Variants in AKAP6 observed in about 807,000 individuals in gnomAD.
The protein encoded by AKAP6 is A-kinase anchor protein 6.
AKAP6 carries 58 observed loss-of-function variants against 188.5 expected under a neutral mutation model. That is an observed-to-expected ratio of 0.31 (90% confidence interval 0.25 to 0.38). AKAP6 has a LOEUF of 0.38. Ranked by LOEUF, AKAP6 falls within the 10% of genes least tolerant of loss-of-function variation. The pLI is 1.00. For missense variants in AKAP6, 2,710 were observed against 2,740.0 expected (o/e 0.99, Z 0.24); for synonymous variants, 989 against 998.6 (o/e 0.99, Z 0.18).
intron 5 of AKAP6, among the ~76,000 whole-genome samples, chr14:32,586,259 T>C (rs1056873999): frequency 2.0e-5 from 3 of 152,214 alleles, no homozygotes; most frequent in Non-Finnish European, 2.9e-5. Context: ...TTTTTACTCA[T>C]GTTCCCATTG....
intron 13 of AKAP6, among the ~76,000 whole-genome samples, chr14:32,826,194 C>T (rs2140158913): frequency 6.6e-6 from 1 of 152,012 alleles, no homozygotes; most frequent in Admixed American, 6.6e-5. Flanking sequence ...CCATATATAC[C>T]CTAAAAATAA....
At chr14:32,790,577 T>A (rs2033577576) in intron 12 of AKAP6, among the ~76,000 whole-genome samples, 1 of 152,208 alleles carries the variant, frequency 6.6e-6, no homozygotes, top group South Asian at 2.1e-4. Flanking sequence ...TCAACATTCT[T>A]AAAGAAAATA....
intron 7 of AKAP6, among the ~76,000 whole-genome samples, chr14:32,609,806 G>T (rs778897594): frequency 1.3e-4 from 19 of 151,320 alleles, no homozygotes; most frequent in Admixed American, 5.9e-4. Flanking sequence ...AGGGGCATTG[G>T]TTCCACAGGC....
At chr14:32,416,383 G>A (rs574138547) in intron 1 of AKAP6, among the ~76,000 whole-genome samples, 25 of 152,094 alleles carry the variant, frequency 1.6e-4, no homozygotes, top group African/African-American at 6.0e-4. Context: ...TTTGAATTGG[G>A]CCTTTTGTTG....
At chr14:32,696,449 C>T (rs999576115) in intron 9 of AKAP6, among the ~76,000 whole-genome samples, 1 of 152,096 alleles carries the variant, frequency 6.6e-6, no homozygotes, top group African/African-American at 2.4e-5. Context: ...TTTAACAAAA[C>T]GTGGTACGAT....
At chr14:32,454,334 T>C (rs1891046653) in intron 2 of AKAP6, among the ~76,000 whole-genome samples, 1 of 152,180 alleles carries the variant, frequency 6.6e-6, no homozygotes, top group Admixed American at 6.5e-5. Context: ...AGCAGAGCTT[T>C]TATATTTAGA....
At chr14:32,725,353 A>C (rs1262903917) in intron 9 of AKAP6, among the ~76,000 whole-genome samples, 1 of 152,114 alleles carries the variant, frequency 6.6e-6, no homozygotes, top group African/African-American at 2.4e-5. Flanking sequence ...TCGGCAGCCT[A>C]CTCCCCGCTG....
At chr14:32,445,436 A>T (rs1890724267) in intron 2 of AKAP6, among the ~76,000 whole-genome samples, 1 of 151,982 alleles carries the variant, frequency 6.6e-6, no homozygotes, top group Non-Finnish European at 1.5e-5. Context: ...GCAATGATGC[A>T]ATCTTGGCTC....
intron 2 of AKAP6, among the ~76,000 whole-genome samples, chr14:32,449,856 A>G (rs1310930687): frequency 6.6e-6 from 1 of 152,210 alleles, no homozygotes; most frequent in East Asian, 1.9e-4. Flanking sequence ...ATTTAGTTCA[A>G]ACTGCCTCAG....
intron 2 of AKAP6, among the ~76,000 whole-genome samples, chr14:32,518,457 G>A (rs939051880): frequency 3.3e-5 from 5 of 152,132 alleles, no homozygotes; most frequent in African/African-American, 1.2e-4. Context: ...AAAAAGATTA[G>A]ACGAATGGCT....
chr14:32,531,327 A>G (rs1882405591), intron 2 of AKAP6, among the ~76,000 whole-genome samples: 1 of 152,204 alleles, frequency 6.6e-6, no homozygotes, highest in Non-Finnish European at 1.5e-5. Context: ...AGAAAATAAT[A>G]TGGGAGCTAC....
At chr14:32,788,865 G>A (rs61981387) in intron 12 of AKAP6, among the ~76,000 whole-genome samples, 28,427 of 152,134 alleles carry the variant, frequency 0.19, 3,022 homozygotes, top group East Asian at 0.35. Context: ...GCCAAGCAGC[G>A]TCATTCTGCG....
intron 12 of AKAP6, 127 bp from the exon 13 acceptor site, chr14:32,821,275 G>A (rs1351364788): frequency 1.1e-6 from 1 of 941,008 alleles, no homozygotes; most frequent in Non-Finnish European, 1.6e-6. Flanking sequence ...TGATAATTAG[G>A]CCGTCTTTCA....
chr14:32,823,131 A>G lies in AKAP6; in HGVS notation c.5318A>G (p.Glu1773Gly). Residue 1773 changes from glutamate to glycine, a missense_variant, in exon 13 of 14, where the codon GAG (glutamate) becomes GGG (glycine). Physicochemically the swap from Glu to Gly is moderately conservative, Grantham distance 98. Around this residue, in one of 2 missense-constraint regions of AKAP6, gnomAD observed 2,473 missense variants for 2,426.1 expected, o/e 1.02. Coordinates refer to ENST00000280979, the MANE Select transcript of AKAP6 (RefSeq NM_004274.5). ...LTEEELCIKD[E>G]DDDSSIATDD... ...GAAGAAGAGCTGTGCATCAAAGATG[A>G]GGATGACGACTCCAGTATTGCAACA... 6.2e-7 allele frequency: 1 copy of G among 1,613,824 alleles called. No individual in the cohort carries two copies. Among genetic ancestry groups the G allele is most frequent in the African/African-American group, 1.3e-5 (1 of 75,008 alleles).
At chr14:32,491,343 G>A (rs996947504) in intron 2 of AKAP6, among the ~76,000 whole-genome samples, 19 of 152,114 alleles carry the variant, frequency 1.2e-4, no homozygotes, top group African/African-American at 4.6e-4. Flanking sequence ...AGGTCTAACT[G>A]TTATAATTTG....
chr14:32,605,354 T>C (rs889595662), intron 7 of AKAP6, among the ~76,000 whole-genome samples: 21 of 151,996 alleles, frequency 1.4e-4, no homozygotes, highest in Admixed American at 7.2e-4. Context: ...GCAGAGAGAA[T>C]AGCATATACA....
At chr14:32,393,593 T>C (rs1888781085) in intron 1 of AKAP6, among the ~76,000 whole-genome samples, 1 of 152,164 alleles carries the variant, frequency 6.6e-6, no homozygotes, top group Admixed American at 6.5e-5. Context: ...TTGTATAAGA[T>C]GTTGCATTCA....
At chr14:32,435,296 A>G (rs114775802) in intron 2 of AKAP6, among the ~76,000 whole-genome samples, 2,603 of 152,312 alleles carry the variant, frequency 0.017, 69 homozygotes, top group African/African-American at 0.06. Context: ...AAAGGTGGGG[A>G]CAATAAAGGG....
chr14:32,696,182 C>G, intron 9 of AKAP6, 72 bp downstream of exon 9: 2 of 1,520,664 alleles, frequency 1.3e-6, no homozygotes, highest in Non-Finnish European at 8.8e-7. Context: ...CTCTCTCTCT[C>G]TCAGGATATC....
Sources: allele counts gnomAD v4.1 joint callset (sites outside exome capture counted in the v4.1 genomes callset), GRCh38; gene constraint gnomAD v4.1.1; regional missense constraint gnomAD v4.1.1; transcripts MANE v1.5; gene names NCBI Gene and HGNC (gene_info 2026-07-23, HGNC 2026-07-21).